SPIRE1: variants seen among roughly 807,000 people sequenced by gnomAD.
SPIRE1 encodes protein spire homolog 1.
A neutral mutation model predicts 94.1 loss-of-function variants in SPIRE1; 40 were observed. The ratio of observed to expected loss-of-function variants is 0.43; its 90% CI spans 0.33 to 0.55. The LOEUF is 0.55. Ranked by LOEUF, SPIRE1 falls within the 20% of genes least tolerant of loss-of-function variation. The pLI is 0.06. For missense variants in SPIRE1, 838 were observed against 975.2 expected, an observed-to-expected ratio of 0.86 and a Z score of 1.87; for synonymous variants, 376 against 371.7, an observed-to-expected ratio of 1.01 and a Z score of -0.13.
rs141416899 is a variant in SPIRE1, at chr18:12,506,196, C to T, written c.972+281G>A. The stretch of plus-strand genomic sequence containing the variant: ...TTTTTGAGATAGGGTCTCACTCTGT[C>T]GCTGAGGCTGGAGTGCAGTGGCTCG... On this transcript the variant is annotated intron_variant, in intron 6 of 16. Coordinates refer to ENST00000409402, the MANE Select transcript of SPIRE1 (RefSeq NM_001128626.2). Among the ~76,000 whole-genome samples the T allele has an allele frequency of 3.8e-3, 581 of 152,216 alleles. 2 individuals carry two copies. The highest frequency in any genetic ancestry group is 0.013 in the African/African-American group (546 of 41,544).
intron 12 of SPIRE1, among the ~76,000 whole-genome samples, chr18:12,457,844 T>A (rs1568181279): frequency 6.9e-6 from 1 of 144,468 alleles, no homozygotes; most frequent in Middle Eastern, 3.5e-3. Flanking sequence ...CTTTTCTTTT[T>A]TCTTTTTTTT....
At position 12,597,761 on chromosome 18, in the gene SPIRE1, T is replaced by C. The variant is rs530855512; in HGVS notation, c.372+37301A>G. On this transcript the variant is annotated intron_variant, in intron 2 of 16. Transcript: ENST00000409402. ...TGCCCAACTACTTAAAATAGCTGCT[T>C]AATTTCTTTGCTCCACTTTCCAGGG... is the stretch of plus-strand genomic sequence containing the variant. 2.1e-4 allele frequency among the ~76,000 whole-genome samples: 32 copies of C among 152,308 alleles called. No individual in the cohort carries two copies. The South Asian group carries it at 6.4e-3, about 31-fold the overall frequency.
At chr18:12,450,658 C>A in intron 16 of SPIRE1, 1 of 619,982 alleles carries the variant, frequency 1.6e-6, no homozygotes, top group South Asian at 1.9e-5. Flanking sequence ...AAGTACACTA[C>A]CACTGGGAAA....
intron 12 of SPIRE1, among the ~76,000 whole-genome samples, chr18:12,462,652 T>G (rs887895713): frequency 2.0e-5 from 3 of 152,230 alleles, no homozygotes; most frequent in African/African-American, 7.2e-5. Flanking sequence ...TAGAAAACAA[T>G]GTACAGTAGT....
At chr18:12,649,519 A>T (rs1334411256) in intron 1 of SPIRE1, among the ~76,000 whole-genome samples, 2 of 152,194 alleles carry the variant, frequency 1.3e-5, no homozygotes, top group Non-Finnish European at 2.9e-5. Context: ...TTTTCTACTT[A>T]GCCAACAAGA....
intron 2 of SPIRE1, among the ~76,000 whole-genome samples, chr18:12,582,350 A>C (rs931655568): frequency 2.6e-5 from 4 of 152,228 alleles, no homozygotes; most frequent in African/African-American, 9.6e-5. Flanking sequence ...GAGAAAAGGA[A>C]AAATTTAATA....
intron 3 of SPIRE1, among the ~76,000 whole-genome samples, chr18:12,538,234 G>A (rs1003077819): frequency 2.0e-5 from 3 of 152,008 alleles, no homozygotes; most frequent in African/African-American, 7.3e-5. Context: ...AGTACTTAAA[G>A]CATAGAGCAT....
intron 2 of SPIRE1, among the ~76,000 whole-genome samples, chr18:12,578,086 T>A (rs889496315): frequency 6.6e-6 from 1 of 152,196 alleles, no homozygotes; most frequent in Admixed American, 6.5e-5. Context: ...AACTAGAACA[T>A]GTACATTGCT....
chr18:12,563,738 T>C (rs2035748423), intron 2 of SPIRE1, among the ~76,000 whole-genome samples: 1 of 151,956 alleles, frequency 6.6e-6, no homozygotes, highest in Non-Finnish European at 1.5e-5. Context: ...CTGTTACCAC[T>C]CAAAATAGAA....
At chr18:12,649,024 T>C (rs768654224) in intron 1 of SPIRE1, among the ~76,000 whole-genome samples, 2 of 151,886 alleles carry the variant, frequency 1.3e-5, no homozygotes, top group African/African-American at 2.4e-5. Flanking sequence ...CACAAGAATA[T>C]AAAATGTTAA....
intron 2 of SPIRE1, among the ~76,000 whole-genome samples, chr18:12,608,065 G>A (rs932391573): frequency 6.6e-6 from 1 of 152,014 alleles, no homozygotes; most frequent in African/African-American, 2.4e-5. Flanking sequence ...GGCTGAGGCA[G>A]GGGAATGACG....
chr18:12,552,710 C>A (rs549685400), intron 2 of SPIRE1, among the ~76,000 whole-genome samples: 15 of 152,146 alleles, frequency 9.9e-5, no homozygotes, highest in African/African-American at 3.6e-4. Flanking sequence ...AGTCACGTAC[C>A]CCCTGCTTGC....
At chr18:12,658,242 G>A (rs751731413), upstream of SPIRE1, 601 of 479,992 alleles carry the variant, frequency 1.3e-3, 2 homozygotes, top group Middle Eastern at 0.017. Flanking sequence ...CTCGAGGCGA[G>A]ATGGCCGCAC....
intron 10 of SPIRE1, among the ~76,000 whole-genome samples, chr18:12,478,949 A>G (rs931039799): frequency 2.0e-5 from 3 of 151,856 alleles, no homozygotes; most frequent in African/African-American, 4.8e-5. Flanking sequence ...TATTACTATT[A>G]CAAAAAGAAC....
At chr18:12,558,140 T>C (rs1172037779) in intron 2 of SPIRE1, among the ~76,000 whole-genome samples, 2 of 152,248 alleles carry the variant, frequency 1.3e-5, no homozygotes, top group Non-Finnish European at 2.9e-5. Flanking sequence ...CCTTGCAGTG[T>C]TCCAGTTCTT....
chr18:12,596,834 G>A (rs1598510250), intron 2 of SPIRE1, among the ~76,000 whole-genome samples: 1 of 149,820 alleles, frequency 6.7e-6, no homozygotes, highest in East Asian at 1.9e-4. Flanking sequence ...TGTTCCTCAA[G>A]AAGTCACTGT....
intron 10 of SPIRE1, among the ~76,000 whole-genome samples, chr18:12,476,634 CATATATATAAAAGAATTTCAA>C (rs1238455159): frequency 4.3e-5 from 6 of 138,556 alleles, no homozygotes; most frequent in African/African-American, 2.6e-5. Flanking sequence ...TATATATACA[CATATATATAAAAGAATTTCAA>C]ATATATATAA....
rs915070939 is a variant in SPIRE1, at chr18:12,608,371, T to G, written c.372+26691A>C. 2.6e-5 allele frequency among the ~76,000 whole-genome samples: 4 copies of G among 152,328 alleles called. 1 individual carries two copies. In the East Asian group the frequency reaches 7.7e-4, roughly 29 times the overall value. ...ACCTATTTTATACTACAATGAACCA[T>G]TATTCCACATAATCAATTACATTCT... is the stretch of plus-strand genomic sequence containing the variant. On this transcript the variant is annotated intron_variant, in intron 2 of 16. Coordinates refer to ENST00000409402, the MANE Select transcript of SPIRE1 (RefSeq NM_001128626.2).
chr18:12,497,195 C>T (rs779005810), intron 6 of SPIRE1, among the ~76,000 whole-genome samples: 1 of 152,314 alleles, frequency 6.6e-6, no homozygotes, highest in East Asian at 1.9e-4. Flanking sequence ...AGGATATCTG[C>T]CTCCATCCAC....
Sources: allele counts gnomAD v4.1 joint callset (sites outside exome capture counted in the v4.1 genomes callset), GRCh38; gene constraint gnomAD v4.1.1; transcripts MANE v1.5; gene names NCBI Gene and HGNC (gene_info 2026-07-23, HGNC 2026-07-21).